RBFOX1: variants seen among roughly 807,000 people sequenced by gnomAD.
RBFOX1 encodes the protein RNA binding protein fox-1 homolog 1.
In RBFOX1, 8 loss-of-function variants were observed where a neutral mutation model predicts 57.7. The ratio of observed to expected loss-of-function variants is 0.14; its 90% CI spans 0.08 to 0.25. The LOEUF (loss-of-function observed/expected upper bound fraction) is 0.25. Among genes scored for constraint, RBFOX1 ranks in the 10% least tolerant of loss-of-function variants. RBFOX1 has a pLI of 1.00. For synonymous variants in RBFOX1, 326 were observed against 222.4 expected (o/e 1.47, Z -4.15); for missense variants, 611 against 548.5 (o/e 1.11, Z -1.14).
intron 4 of RBFOX1, among the ~76,000 whole-genome samples, chr16:7,455,930 G>C (rs556171975): frequency 6.6e-6 from 1 of 152,010 alleles, no homozygotes. Flanking sequence ...CCCCTATTAG[G>C]TAAATATTAT....
At chr16:6,089,112 T>C (rs1229505363) in intron 1 of RBFOX1, among the ~76,000 whole-genome samples, 3 of 149,904 alleles carry the variant, frequency 2.0e-5, no homozygotes, top group African/African-American at 7.4e-5. Flanking sequence ...TAAAAAGACA[T>C]TGATATTAAA....
intron 4 of RBFOX1, among the ~76,000 whole-genome samples, chr16:7,250,607 A>G (rs2094467864): frequency 6.6e-6 from 1 of 152,248 alleles, no homozygotes; most frequent in Non-Finnish European, 1.5e-5. Context: ...GGGGATCATA[A>G]CTATGTACAC....
intron 2 of RBFOX1, among the ~76,000 whole-genome samples, chr16:6,441,348 C>G (rs1319105333): frequency 1.3e-5 from 2 of 152,170 alleles, no homozygotes; most frequent in African/African-American, 4.8e-5. Context: ...AAGTCCTCTG[C>G]TAGATTCTTT....
chr16:7,668,506 G>A (rs747944880), intron 13 of RBFOX1, among the ~76,000 whole-genome samples: 1 of 152,150 alleles, frequency 6.6e-6, no homozygotes, highest in Non-Finnish European at 1.5e-5. Context: ...CTATTCAGGA[G>A]CTGAGCCCTG....
intron 2 of RBFOX1, among the ~76,000 whole-genome samples, chr16:5,496,850 T>C (rs987502820): frequency 6.6e-6 from 1 of 152,242 alleles, no homozygotes; most frequent in African/African-American, 2.4e-5. Flanking sequence ...CTAATCCATT[T>C]CTGCTCAGTA....
At chr16:6,024,161 C>T (rs1217506942) in intron 1 of RBFOX1, among the ~76,000 whole-genome samples, 2 of 152,146 alleles carry the variant, frequency 1.3e-5, no homozygotes, top group African/African-American at 4.8e-5. Context: ...CCTGCTGCTA[C>T]AGAAGAGTGT....
chr16:7,081,824 T>C (rs1392381870), intron 4 of RBFOX1, among the ~76,000 whole-genome samples: 1 of 152,250 alleles, frequency 6.6e-6, no homozygotes, highest in East Asian at 1.9e-4. Context: ...CTCTTATTGA[T>C]GAACTAATAT....
chr16:6,901,032 A>T (rs929177893), intron 3 of RBFOX1, among the ~76,000 whole-genome samples: 2 of 152,194 alleles, frequency 1.3e-5, no homozygotes, highest in Non-Finnish European at 2.9e-5. Context: ...CACCGACATT[A>T]TGTATACCGG....
At chr16:6,527,373 C>A (rs2096595648) in intron 2 of RBFOX1, among the ~76,000 whole-genome samples, 1 of 152,018 alleles carries the variant, frequency 6.6e-6, no homozygotes, top group African/African-American at 2.4e-5. Context: ...CCTCCCCCAA[C>A]AAAGTGATTT....
At chr16:6,402,738 G>A (rs1015519458) in intron 2 of RBFOX1, among the ~76,000 whole-genome samples, 33 of 152,146 alleles carry the variant, frequency 2.2e-4, no homozygotes, top group Admixed American at 2.2e-3. Context: ...AAAATCATTT[G>A]TAGATAAATT....
chr16:5,503,036 G>C (rs1455113217), intron 2 of RBFOX1, among the ~76,000 whole-genome samples: 2 of 152,190 alleles, frequency 1.3e-5, no homozygotes, highest in Non-Finnish European at 2.9e-5. Context: ...GGGCTTTTCA[G>C]ATGCCCCATG....
intron 3 of RBFOX1, among the ~76,000 whole-genome samples, chr16:6,971,072 C>G (rs2085426452): frequency 6.6e-6 from 1 of 152,174 alleles, no homozygotes; most frequent in African/African-American, 2.4e-5. Context: ...ATGAAAAGGA[C>G]ACATGCGTTT....
At chr16:7,281,283 G>C (rs538513417) in intron 4 of RBFOX1, among the ~76,000 whole-genome samples, 1 of 151,704 alleles carries the variant, frequency 6.6e-6, no homozygotes, top group African/African-American at 2.4e-5. Flanking sequence ...GACTACAGGC[G>C]TGAGCCACCG....
At chr16:5,923,307 G>T (rs906600565) in intron 4 of RBFOX1, among the ~76,000 whole-genome samples, 31 of 152,114 alleles carry the variant, frequency 2.0e-4, no homozygotes, top group African/African-American at 7.5e-4. Flanking sequence ...ATTGGGGATG[G>T]GGATGGTGGG....
chr16:6,115,769 C>G (rs765453002), intron 1 of RBFOX1, among the ~76,000 whole-genome samples: 2 of 152,104 alleles, frequency 1.3e-5, no homozygotes, highest in Non-Finnish European at 2.9e-5. Context: ...GCCTTGTGGT[C>G]ATAATTCCCC....
chr16:7,597,650 C>G (rs1252188569), intron 9 of RBFOX1, among the ~76,000 whole-genome samples: 1 of 152,180 alleles, frequency 6.6e-6, no homozygotes, highest in African/African-American at 2.4e-5. Context: ...TTCTTCCCTT[C>G]TTTCTAGAAT....
At chr16:7,424,048 G>A (rs910345899) in intron 4 of RBFOX1, among the ~76,000 whole-genome samples, 5 of 152,218 alleles carry the variant, frequency 3.3e-5, no homozygotes, top group African/African-American at 4.8e-5. Context: ...ACAAGGCAGC[G>A]AAAATCTTCC....
At chr16:6,042,388 C>T (rs969814517) in intron 1 of RBFOX1, among the ~76,000 whole-genome samples, 5 of 152,076 alleles carry the variant, frequency 3.3e-5, no homozygotes, top group South Asian at 2.1e-4. Flanking sequence ...CATGAGCCAC[C>T]GTGCCTGGCC....
intron 1 of RBFOX1, among the ~76,000 whole-genome samples, chr16:6,073,416 T>G (rs1340767220): frequency 6.6e-6 from 1 of 152,214 alleles, no homozygotes; most frequent in Non-Finnish European, 1.5e-5. Context: ...TTGAATTAGT[T>G]CAATCTAATG....
Sources: allele counts gnomAD v4.1 joint callset (sites outside exome capture counted in the v4.1 genomes callset), GRCh38; gene constraint gnomAD v4.1.1; transcripts MANE v1.5; gene names NCBI Gene and HGNC (gene_info 2026-07-23, HGNC 2026-07-21).